The following LY6G6D variants were observed in gnomAD, a reference collection of about 807,000 sequenced individuals.
The protein encoded by LY6G6D is lymphocyte antigen 6 family member G6D, also known as lymphocyte antigen 6 complex locus protein G6d.
In LY6G6D, 5 loss-of-function variants were observed where a neutral mutation model predicts 8.5. The observed-to-expected ratio is 0.59, with a 90% CI of 0.31 to 1.24. The LOEUF (loss-of-function observed/expected upper bound fraction) is 1.24. LY6G6D is among the 50% of genes most tolerant of loss of function. LY6G6D has a pLI of 0.07. For missense variants in LY6G6D, 154 were observed against 170.4 expected, an observed-to-expected ratio of 0.90 and a Z score of 0.53; for synonymous variants, 65 against 69.6, an observed-to-expected ratio of 0.93 and a Z score of 0.33.
At position 31,717,605 on chromosome 6, in the gene LY6G6D, A is replaced by T; in HGVS notation, c.203A>T (p.His68Leu). The T allele has an allele frequency of 6.2e-7, 1 of 1,614,138 alleles. No homozygotes were observed. Among genetic ancestry groups the T allele is most frequent in the Admixed American group, 1.7e-5 (1 of 60,016 alleles). The change falls in exon 3 of 3, where the codon CAT (histidine) becomes CTT (leucine). Residue 68 changes from histidine to leucine, a missense_variant. Physicochemically the swap from His to Leu is moderately conservative, Grantham distance 99. Coordinates refer to ENST00000375825, the MANE Select transcript of LY6G6D (RefSeq NM_021246.4). This position sits in a 1 kb window ranked among gnomAD's most constrained non-coding sequence, Gnocchi z 5.0. ...GCCCCAGTGACCTTGATTCACCAAC[A>T]TCCAGCCTGCGTCGCAGCCCATCAT... is the stretch of plus-strand genomic sequence containing the variant. ...GNPPVTLIHQ[H>L]PACVAAHHCN...
In LY6G6D at chr6:31,716,375, A is replaced by C. The variant is rs1265844482; in HGVS notation, c.178+751A>C. ...GAGGCCAAGGTGGGAGGACCACTTG[A>C]GCCCAAGAGTTGAGACCAGCCTGGG... On this transcript the variant is annotated intron_variant, in intron 2 of 2. Coordinates refer to ENST00000375825, the MANE Select transcript of LY6G6D (RefSeq NM_021246.4). The surrounding 1 kb of genome is among the most constrained non-coding windows in gnomAD (Gnocchi z 5.1). 4.6e-5 allele frequency among the ~76,000 whole-genome samples: 7 copies of C among 152,146 alleles called. No individual in the cohort carries two copies. Among genetic ancestry groups the C allele is most frequent in the Non-Finnish European group, 4.4e-5 (3 of 68,024 alleles).
rs1364906126 is a variant in LY6G6D, at chr6:31,715,425, A to G, written c.55+15A>G. 4 of 1,605,366 alleles carry G rather than the reference A, an allele frequency of 2.5e-6. No individual in the cohort carries two copies. The highest frequency in any genetic ancestry group is 3.4e-6 in the Non-Finnish European group (4 of 1,174,558). ...GGCTGCCTTGGGTAAGGAGGCGGCC[A>G]GCTAGCTTCTCACACAGGCCTTCTG... On this transcript the variant is annotated intron_variant, in intron 1 of 2. Coordinates refer to ENST00000375825, the MANE Select transcript of LY6G6D (RefSeq NM_021246.4).
rs41315804 is a variant in LY6G6D, at chr6:31,716,604, C to A, written c.179-977C>A. 5.5e-4 allele frequency among the ~76,000 whole-genome samples: 83 copies of A among 150,512 alleles called. 2 individuals carry two copies. The highest frequency in any genetic ancestry group is 1.5e-4 in the Non-Finnish European group (10 of 67,658). ...CTCCAGCCTGGGGAACAAAATGAGA[C>A]CCTGTCTCAAAAATAATAATAATAA... On this transcript the variant is annotated intron_variant, in intron 2 of 2. Coordinates refer to ENST00000375825, the MANE Select transcript of LY6G6D (RefSeq NM_021246.4). The surrounding 1 kb of genome is among the most constrained non-coding windows in gnomAD (Gnocchi z 5.1).
In LY6G6D at chr6:31,717,521, C is replaced by A. The variant is rs1806519088; in HGVS notation, c.179-60C>A. 6.2e-7 allele frequency: 1 copy of A among 1,613,954 alleles called. No individual in the cohort carries two copies. The highest frequency in any genetic ancestry group is 8.5e-7 in the Non-Finnish European group (1 of 1,179,948). On this transcript the variant is annotated intron_variant, in intron 2 of 2. Transcript: ENST00000375825. This position sits in a 1 kb window ranked among gnomAD's most constrained non-coding sequence, Gnocchi z 5.0. ...GCTCCTTGAAATCACATCTGCTCTGCCCCAGAAGGCAAGTCCTGAAGCCAG... is the reference window on the plus strand; with the variant it reads ...GCTCCTTGAAATCACATCTGCTCTGACCCAGAAGGCAAGTCCTGAAGCCAG...
In LY6G6D at chr6:31,717,748, T is replaced by C; in HGVS notation, c.346T>C (p.Leu116=). 2 of 1,614,106 alleles carry C rather than the reference T, an allele frequency of 1.2e-6. No individual in the cohort carries two copies. Among genetic ancestry groups the C allele is most frequent in the Non-Finnish European group, 1.7e-6 (2 of 1,180,032 alleles). The change falls in exon 3 of 3, where the codon TTG becomes CTG. Residue 116 remains leucine (L), a synonymous_variant. Transcript: ENST00000375825. This position sits in a 1 kb window ranked among gnomAD's most constrained non-coding sequence, Gnocchi z 5.0. ...VASHVAPAGI[L]AAAATALTCL... ...AAGCCATGTGGCCCCTGCAGGCATTTTGGCTGCAGCAGCTACCGCCCTGAC... is the reference window on the plus strand; with the variant it reads ...AAGCCATGTGGCCCCTGCAGGCATTCTGGCTGCAGCAGCTACCGCCCTGAC...
intron 2 of LY6G6D, 143 bp downstream of exon 2, chr6:31,715,767 T>C: frequency 3.1e-6 from 4 of 1,281,568 alleles, no homozygotes; most frequent in Non-Finnish European, 3.1e-6. Flanking sequence ...TCTGTACCCC[T>C]TCTGGCTCCT....
At position 31,717,694 on chromosome 6, in the gene LY6G6D, C is replaced by T; in HGVS notation, c.292C>T (p.Leu98=). 1.2e-6 allele frequency: 2 copies of T among 1,614,226 alleles called. No individual in the cohort carries two copies. ...VTYPAHRDCY[L]GDLCNSAVAS... is the part of the protein sequence containing the mutation. ...TTATCCAGCCCACAGGGACTGCTAC[C>T]TGGGAGACCTGTGCAACAGCGCCGT... Residue 98 remains leucine, a synonymous_variant, in exon 3 of 3, where the codon CTG becomes TTG. Transcript: ENST00000375825. This position sits in a 1 kb window ranked among gnomAD's most constrained non-coding sequence, Gnocchi z 5.0.
Position 31,715,559 on chromosome 6 carries a change from C to T in LY6G6D, c.113C>T (p.Ala38Val). 6.2e-7 allele frequency: 1 copy of T among 1,612,998 alleles called. No homozygotes were observed. Among genetic ancestry groups the T allele is most frequent in the African/African-American group, 1.3e-5 (1 of 75,022 alleles). Residue 38 changes from alanine to valine, a missense_variant, in exon 2 of 3, where the codon GCC (alanine) becomes GTC (valine). By Grantham distance (64) the Ala-to-Val change is moderately conservative (BLOSUM62 0). Transcript: ENST00000375825. ...AGCCCCAGCAGTTCTTGCAAAGAGG[C>T]CGTGACCACCTGTGGCGAGGGCAGA... ...GGSPSSSCKE[A>V]VTTCGEGRPQ...
Position 31,716,825 on chromosome 6 carries a change from G to C in LY6G6D, c.179-756G>C, listed in dbSNP as rs995633353. Among the ~76,000 whole-genome samples, 1 of 152,140 alleles carries C rather than the reference G, an allele frequency of 6.6e-6. No homozygotes were observed. Among genetic ancestry groups the C allele is most frequent in the African/African-American group, 2.4e-5 (1 of 41,412 alleles). On this transcript the variant is annotated intron_variant, in intron 2 of 2. Coordinates refer to ENST00000375825, the MANE Select transcript of LY6G6D (RefSeq NM_021246.4). The surrounding 1 kb of genome is among the most constrained non-coding windows in gnomAD (Gnocchi z 5.1). ...ACCTGTAATCTCAGTTTCCTGAGAGGCTGAGGCAGGAGGATTACTTGAGCC... is the reference window on the plus strand; with the variant it reads ...ACCTGTAATCTCAGTTTCCTGAGAGCCTGAGGCAGGAGGATTACTTGAGCC...
rs3749952 is a variant in LY6G6D at position 31,715,380 on chromosome 6, T to G, written c.25T>G (p.Leu9Val). 0.04 allele frequency: 64,245 copies of G among 1,604,078 alleles called. 2,287 individuals are homozygous for G. Among genetic ancestry groups the G allele is most frequent in the African/African-American group, 0.15 (11,038 of 74,744 alleles). Residue 9 changes from leucine (L) to valine (V), a missense_variant, in exon 1 of 3, where the codon TTG becomes GTG. Coordinates refer to ENST00000375825, the MANE Select transcript of LY6G6D (RefSeq NM_021246.4). MKPQFVGI[L>V]LSSLLGAALG... ...GATGAAACCCCAGTTTGTTGGGATCTTGCTCAGCTCCCTGCTAGGGGCTGC... is the reference window on the plus strand; with the variant it reads ...GATGAAACCCCAGTTTGTTGGGATCGTGCTCAGCTCCCTGCTAGGGGCTGC...
In LY6G6D at chr6:31,717,497, C is replaced by T; in HGVS notation, c.179-84C>T. The T allele has an allele frequency of 6.2e-7, 1 of 1,613,744 alleles. No homozygotes were observed. Among genetic ancestry groups the T allele is most frequent in the Non-Finnish European group, 8.5e-7 (1 of 1,179,826 alleles). ...TGAGGGGGCTGAAAATCCCTTTGGG[C>T]TCCTTGAAATCACATCTGCTCTGCC... On this transcript the variant is annotated intron_variant, in intron 2 of 2. Coordinates refer to ENST00000375825, the MANE Select transcript of LY6G6D (RefSeq NM_021246.4). The surrounding 1 kb of genome is among the most constrained non-coding windows in gnomAD (Gnocchi z 5.0).
intron 2 of LY6G6D, among the ~76,000 whole-genome samples, chr6:31,715,977 G>A (rs902942536): frequency 6.6e-6 from 1 of 151,926 alleles, no homozygotes. Context: ...GTGTGTGTGT[G>A]TGTGTGTGTG....
intron 2 of LY6G6D, 28 bp downstream of exon 2, chr6:31,715,652 G>A: frequency 6.2e-7 from 1 of 1,607,136 alleles, no homozygotes; most frequent in Non-Finnish European, 8.5e-7. Flanking sequence ...CCCTCTTCCA[G>A]CAGCCTTTCC....
In LY6G6D at chr6:31,717,626, A is replaced by C; in HGVS notation, c.224A>C (p.His75Pro). The C allele has an allele frequency of 6.2e-7, 1 of 1,614,150 alleles. No homozygotes were observed. Among genetic ancestry groups the C allele is most frequent in the South Asian group, 1.1e-5 (1 of 91,084 alleles). ...CAACATCCAGCCTGCGTCGCAGCCC[A>C]TCATTGCAATCAAGTGGAGACAGAG... ...IHQHPACVAA[H>P]HCNQVETESV... The change falls in exon 3 of 3, where the codon CAT (histidine) becomes CCT (proline). Residue 75 changes from histidine (H) to proline (P), a missense_variant. Physicochemically the swap from His to Pro is moderately conservative, Grantham distance 77 (BLOSUM62 -2). Coordinates refer to ENST00000375825, the MANE Select transcript of LY6G6D (RefSeq NM_021246.4). This position sits in a 1 kb window ranked among gnomAD's most constrained non-coding sequence, Gnocchi z 5.0.
In LY6G6D at chr6:31,715,658, T is replaced by G. The variant is rs751036630; in HGVS notation, c.178+34T>G. 7 of 1,605,752 alleles carry G rather than the reference T, an allele frequency of 4.4e-6. No individual in the cohort carries two copies. The African/African-American group carries it at 9.4e-5, about 21-fold the overall frequency. ...TCAGTTTCTCCCTCTTCCAGCAGCC[T>G]TTCCCTGCCTCCAGCCCCATGTCAA... On this transcript the variant is annotated intron_variant, in intron 2 of 2. Transcript: ENST00000375825.
At position 31,715,398 on chromosome 6, in the gene LY6G6D, G is replaced by T; in HGVS notation, c.43G>T (p.Gly15Trp). ...TGGGATCTTGCTCAGCTCCCTGCTA[G>T]GGGCTGCCTTGGGTAAGGAGGCGGC... ...FVGILLSSLL[G>W]AALGNRMRCY... Residue 15 changes from glycine to tryptophan, a missense_variant, in exon 1 of 3, where the codon GGG becomes TGG. Physicochemically the swap from Gly to Trp is radical, Grantham distance 184. Coordinates refer to ENST00000375825, the MANE Select transcript of LY6G6D (RefSeq NM_021246.4). The T allele has an allele frequency of 1.2e-6, 2 of 1,605,858 alleles. No homozygotes were observed. Among genetic ancestry groups the T allele is most frequent in the Non-Finnish European group, 8.5e-7 (1 of 1,175,122 alleles).
At position 31,717,821 on chromosome 6, in the gene LY6G6D, GAAGGGAACAAGGGAGC is replaced by G. The variant is rs1407693950; in HGVS notation, c.*32_*47del. On this transcript the variant is annotated 3_prime_UTR_variant, in exon 3 of 3. Coordinates refer to ENST00000375825, the MANE Select transcript of LY6G6D (RefSeq NM_021246.4). The surrounding 1 kb of genome is among the most constrained non-coding windows in gnomAD (Gnocchi z 5.0). ...AGCGGATAGGGGGAGTAGGAGTAGA[GAAGGGAACAAGGGAGC>G]AAGGGAACAAGGGACATCTGAACAT... 2.5e-5 allele frequency: 40 copies of G among 1,601,388 alleles called. No individual in the cohort carries two copies. The highest frequency in any genetic ancestry group is 3.2e-5 in the Non-Finnish European group (38 of 1,174,942).
In LY6G6D at chr6:31,715,643, C is replaced by A; in HGVS notation, c.178+19C>A. On this transcript the variant is annotated intron_variant, in intron 2 of 2. Coordinates refer to ENST00000375825, the MANE Select transcript of LY6G6D (RefSeq NM_021246.4). ...GGAAACCGTGAGTCCTCAGTTTCTCCCTCTTCCAGCAGCCTTTCCCTGCCT... is the reference window on the plus strand; with the variant it reads ...GGAAACCGTGAGTCCTCAGTTTCTCACTCTTCCAGCAGCCTTTCCCTGCCT... The A allele has an allele frequency of 6.2e-7, 1 of 1,608,632 alleles. No homozygotes were observed. The highest frequency in any genetic ancestry group is 8.5e-7 in the Non-Finnish European group (1 of 1,176,408).
intron 1 of LY6G6D, 31 bp from the exon 2 acceptor site, chr6:31,715,471 C>A: frequency 6.2e-7 from 1 of 1,609,102 alleles, no homozygotes; most frequent in Non-Finnish European, 8.5e-7. Flanking sequence ...CCACCGAGGG[C>A]CCAGGTCCAG....
Sources: allele counts gnomAD v4.1 joint callset (sites outside exome capture counted in the v4.1 genomes callset), GRCh38; gene constraint gnomAD v4.1.1; non-coding constraint Gnocchi (gnomAD v3.1); transcripts MANE v1.5; gene names NCBI Gene and HGNC (gene_info 2026-07-23, HGNC 2026-07-21).